The following CTNND2 variants were observed in gnomAD, a reference collection of about 807,000 sequenced individuals.
The protein encoded by CTNND2 is catenin delta 2, also known as catenin delta-2.
CTNND2 carries 22 observed loss-of-function variants against 144.4 expected under a neutral mutation model. That is an observed-to-expected ratio of 0.15 (90% CI 0.11 to 0.22). The LOEUF (loss-of-function observed/expected upper bound fraction) is 0.22. CTNND2 is among the 10% of genes least tolerant of loss of function. The probability of loss-of-function intolerance (pLI) is 1.00; values close to 1 mark genes in which losing one functional copy is unlikely to be tolerated. For synonymous variants in CTNND2, 751 were observed against 695.6 expected, an observed-to-expected ratio of 1.08 and a Z score of -1.25; for missense variants, 1,353 against 1,618.8, an observed-to-expected ratio of 0.84 and a Z score of 2.82.
intron 16 of CTNND2, among the ~76,000 whole-genome samples, chr5:11,036,861 T>A (rs1356376553): frequency 6.6e-6 from 1 of 152,196 alleles, no homozygotes; most frequent in Non-Finnish European, 1.5e-5. Flanking sequence ...TTTAATACTA[T>A]GTTGAGAGCT....
chr5:11,548,550 A>G (rs28655659), intron 3 of CTNND2, among the ~76,000 whole-genome samples: 5,543 of 152,300 alleles, frequency 0.036, 354 homozygotes, highest in African/African-American at 0.12. Context: ...AACATTTTAA[A>G]AATAGTCTAT....
intron 2 of CTNND2, among the ~76,000 whole-genome samples, chr5:11,644,125 C>CTCCACAGTGGG (rs536847707): frequency 4.7e-4 from 72 of 152,182 alleles, no homozygotes; most frequent in African/African-American, 1.7e-3. Context: ...GGCTGTTCTT[C>CTCCACAGTGGG]TCCACAGTGG....
intron 16 of CTNND2, among the ~76,000 whole-genome samples, chr5:11,062,703 G>T (rs1046674845): frequency 6.6e-6 from 1 of 152,238 alleles, no homozygotes; most frequent in Non-Finnish European, 1.5e-5. Context: ...GTCGGGGACC[G>T]CGTAAAGGCT....
intron 10 of CTNND2, 91 bp from the exon 11 acceptor site, chr5:11,199,752 CAATTAATCG>C: frequency 2.2e-6 from 2 of 902,774 alleles, no homozygotes; most frequent in Non-Finnish European, 3.5e-6. Context: ...TATCTGCTAA[CAATTAATCG>C]CACCAAACTG....
intron 2 of CTNND2, among the ~76,000 whole-genome samples, chr5:11,678,593 A>C (rs74880274): frequency 0.024 from 3,612 of 152,268 alleles, 44 homozygotes; most frequent in East Asian, 0.056. Flanking sequence ...ACTATTGATC[A>C]TTGATATGAG....
intron 2 of CTNND2, among the ~76,000 whole-genome samples, chr5:11,582,251 G>A (rs1778494430): frequency 6.6e-6 from 1 of 152,190 alleles, no homozygotes; most frequent in African/African-American, 2.4e-5. Flanking sequence ...CTGAAGTGGA[G>A]AGAGATTAAC....
chr5:11,290,877 G>A (rs1748266523), intron 9 of CTNND2, among the ~76,000 whole-genome samples: 1 of 152,174 alleles, frequency 6.6e-6, no homozygotes, highest in African/African-American at 2.4e-5. Flanking sequence ...GACACACTGA[G>A]CCCCTAAGAA....
At chr5:11,102,970 A>ATTTTTTTTTTTTTTTTTTTTT (rs778134907) in intron 14 of CTNND2, among the ~76,000 whole-genome samples, 3 of 84,080 alleles carry the variant, frequency 3.6e-5, no homozygotes, top group Non-Finnish European at 6.5e-5. Flanking sequence ...TATTTAAAAG[A>ATTTTTTTTTTTTTTTTTTTTT]TTTTTTTTTT....
intron 11 of CTNND2, among the ~76,000 whole-genome samples, chr5:11,164,015 G>A (rs906262069): frequency 9.9e-5 from 15 of 152,088 alleles, no homozygotes; most frequent in African/African-American, 1.9e-4. Context: ...AGAGGATCCC[G>A]GGGAAGATGT....
At chr5:11,414,257 C>T (rs1430688569) in intron 3 of CTNND2, among the ~76,000 whole-genome samples, 1 of 152,114 alleles carries the variant, frequency 6.6e-6, no homozygotes, top group Admixed American at 6.5e-5. Context: ...TGATTTTGAA[C>T]TTTTGGTCTC....
At chr5:11,503,499 C>T (rs999215585) in intron 3 of CTNND2, among the ~76,000 whole-genome samples, 2 of 152,270 alleles carry the variant, frequency 1.3e-5, no homozygotes, top group Non-Finnish European at 1.5e-5. Flanking sequence ...GAATGAATTT[C>T]GTGAGCTGCC....
At chr5:11,601,549 G>A (rs1779795139) in intron 2 of CTNND2, among the ~76,000 whole-genome samples, 2 of 151,956 alleles carry the variant, frequency 1.3e-5, no homozygotes, top group South Asian at 4.2e-4. Flanking sequence ...TATTTTATTA[G>A]ATGTAATTGT....
chr5:11,304,673 G>A (rs569476108), intron 9 of CTNND2, among the ~76,000 whole-genome samples: 2 of 152,298 alleles, frequency 1.3e-5, no homozygotes, highest in South Asian at 2.1e-4. Flanking sequence ...GTCTAGCCAC[G>A]TGGCAGCCCA....
intron 3 of CTNND2, among the ~76,000 whole-genome samples, chr5:11,443,274 TATGTGTGC>T (rs1307848327): frequency 1.1e-4 from 10 of 87,814 alleles, no homozygotes; most frequent in Non-Finnish European, 1.9e-4. Context: ...GTGTGTGTGG[TATGTGTGC>T]ATGTGTGTGG....
At chr5:11,562,274 A>C (rs1776742679) in intron 3 of CTNND2, among the ~76,000 whole-genome samples, 1 of 152,186 alleles carries the variant, frequency 6.6e-6, no homozygotes, top group Non-Finnish European at 1.5e-5. Context: ...CCAGACTTTT[A>C]AAATAGCCCT....
chr5:11,311,221 C>T (rs1281718335), intron 9 of CTNND2, among the ~76,000 whole-genome samples: 1 of 148,348 alleles, frequency 6.7e-6, no homozygotes, highest in Non-Finnish European at 1.5e-5. Flanking sequence ...TGCCCTCACA[C>T]TTCCCATGCA....
intron 2 of CTNND2, among the ~76,000 whole-genome samples, chr5:11,643,797 AT>A (rs1317726410): frequency 6.6e-6 from 1 of 151,522 alleles, no homozygotes; most frequent in Non-Finnish European, 1.5e-5. Flanking sequence ...TAATTAAAAA[AT>A]GTTACATCAT....
At chr5:11,685,867 A>G (rs1424052001) in intron 2 of CTNND2, among the ~76,000 whole-genome samples, 6 of 152,182 alleles carry the variant, frequency 3.9e-5, no homozygotes, top group Non-Finnish European at 8.8e-5. Context: ...TTCTCTAAGA[A>G]TAAGTCCCCT....
chr5:11,155,916 T>C (rs1452029413), intron 12 of CTNND2, among the ~76,000 whole-genome samples: 2 of 152,230 alleles, frequency 1.3e-5, no homozygotes, highest in Non-Finnish European at 2.9e-5. Flanking sequence ...TAGCTTCCCA[T>C]GAAGATTCTC....
Sources: allele counts gnomAD v4.1 joint callset (sites outside exome capture counted in the v4.1 genomes callset), GRCh38; gene constraint gnomAD v4.1.1; transcripts MANE v1.5; gene names NCBI Gene and HGNC (gene_info 2026-07-23, HGNC 2026-07-21).